Variants in LDB2 observed in about 807,000 individuals in gnomAD.
LDB2 encodes LIM domain-binding protein 2.
In LDB2, 12 loss-of-function variants were observed where a neutral mutation model predicts 44.3. The ratio of observed to expected loss-of-function variants is 0.27; its 90% CI spans 0.17 to 0.44. The LOEUF (loss-of-function observed/expected upper bound fraction) is 0.44. LDB2 is among the 20% of genes least tolerant of loss of function. The probability of loss-of-function intolerance (pLI) is 1.00; values close to 1 mark genes in which losing one functional copy is unlikely to be tolerated. For synonymous variants in LDB2, 164 were observed against 174.8 expected, an observed-to-expected ratio of 0.94 and a Z score of 0.49; for missense variants, 344 against 473.5, an observed-to-expected ratio of 0.73 and a Z score of 2.54.
At chr4:16,507,588 G>T (rs1361981384) in intron 7 of LDB2, among the ~76,000 whole-genome samples, 5 of 152,140 alleles carry the variant, frequency 3.3e-5, no homozygotes, top group Non-Finnish European at 7.3e-5. Flanking sequence ...GTTGAGGGAT[G>T]TAACAAGAAA....
At chr4:16,750,871 A>G (rs935024481) in intron 2 of LDB2, 1 of 152,304 alleles carries the variant, frequency 6.6e-6, no homozygotes, top group East Asian at 1.9e-4. Context: ...ATAATTTTTT[A>G]TTGTGTAGAA....
At chr4:16,750,964 G>A (rs1051683426) in intron 2 of LDB2, 1 of 152,108 alleles carries the variant, frequency 6.6e-6, no homozygotes, top group African/African-American at 2.4e-5. Flanking sequence ...GACACACTTT[G>A]TTTTACCCAC....
chr4:16,742,669 A>C (rs1361596446), intron 2 of LDB2, among the ~76,000 whole-genome samples: 1 of 152,186 alleles, frequency 6.6e-6, no homozygotes, highest in Non-Finnish European at 1.5e-5. Flanking sequence ...AGTATATGAA[A>C]AAAGCAGAGG....
chr4:16,503,699 G>A (rs1718218026), intron 7 of LDB2, among the ~76,000 whole-genome samples: 1 of 152,154 alleles, frequency 6.6e-6, no homozygotes, highest in South Asian at 2.1e-4. Flanking sequence ...TGCCATAAAG[G>A]GAAGATGAAG....
At chr4:16,775,845 G>C (rs1423397218) in intron 1 of LDB2, among the ~76,000 whole-genome samples, 2 of 152,180 alleles carry the variant, frequency 1.3e-5, no homozygotes, top group African/African-American at 4.8e-5. Context: ...GGACCTATCA[G>C]AGTGAGTTTT....
intron 5 of LDB2, among the ~76,000 whole-genome samples, chr4:16,553,528 T>G (rs186699688): frequency 1.8e-4 from 27 of 152,286 alleles, no homozygotes; most frequent in Admixed American, 3.9e-4. Flanking sequence ...AGAGGTTTTT[T>G]TTGTTGTTGT....
rs550416964 is a variant in LDB2 at position 16,536,407 on chromosome 4, G to A, written c.616-24303C>T. ...CAGCCAAGTCACCTTCCTACACCTC[G>A]CTGAGTGCTCCAGCATGCTGTGCTG... On this transcript the variant is annotated intron_variant, in intron 5 of 7. Coordinates refer to ENST00000304523, the MANE Select transcript of LDB2 (RefSeq NM_001290.5). 3.3e-5 allele frequency among the ~76,000 whole-genome samples: 5 copies of A among 152,270 alleles called. No individual in the cohort carries two copies. In the South Asian group the frequency reaches 6.2e-4, roughly 19 times the overall value.
intron 2 of LDB2, among the ~76,000 whole-genome samples, chr4:16,646,558 G>A (rs1736848377): frequency 6.6e-6 from 1 of 152,168 alleles, no homozygotes; most frequent in Non-Finnish European, 1.5e-5. Flanking sequence ...AGAAGAATAT[G>A]GCCTGGGGAG....
At position 16,593,398 on chromosome 4, in the gene LDB2, AT is replaced by A. The variant is rs1176905890; in HGVS notation, c.408+2304del. ...ATATTTTATTACATGTAAATGAGTT[AT>A]TTTTAATTAATATAAGAAAAACAAC... On this transcript the variant is annotated intron_variant, in intron 3 of 7. Transcript: ENST00000304523. Among the ~76,000 whole-genome samples the A allele has an allele frequency of 3.3e-5, 5 of 152,270 alleles. No individual in the cohort carries two copies. In the East Asian group the frequency reaches 9.6e-4, roughly 29 times the overall value.
At chr4:16,609,362 G>A (rs1463110304) in intron 2 of LDB2, among the ~76,000 whole-genome samples, 1 of 139,140 alleles carries the variant, frequency 7.2e-6, no homozygotes, top group Admixed American at 7.1e-5. Flanking sequence ...GGGGGGGGGA[G>A]GGGAAGGGCA....
chr4:16,845,240 T>G (rs78811003), intron 1 of LDB2, among the ~76,000 whole-genome samples: 2 of 152,150 alleles, frequency 1.3e-5, no homozygotes, highest in East Asian at 3.9e-4. Context: ...TGCTCCCAAA[T>G]TTATACATTA....
rs1312585879 is a variant in LDB2 at position 16,582,098 on chromosome 4, A to G, written c.615+3824T>C. The stretch of plus-strand genomic sequence containing the variant: ...AGCATATAGCAGCAATGCCTGGCAC[A>G]TAGTAAGTGCCCCAGAAATGTTAGC... On this transcript the variant is annotated intron_variant, in intron 5 of 7. Transcript: ENST00000304523. The surrounding 1 kb of genome is among the most constrained non-coding windows in gnomAD (Gnocchi z 4.8). Among the ~76,000 whole-genome samples the G allele has an allele frequency of 6.6e-6, 1 of 152,168 alleles. No individual in the cohort carries two copies. Among genetic ancestry groups the G allele is most frequent in the African/African-American group, 2.4e-5 (1 of 41,440 alleles).
chr4:16,756,171 G>A lies in LDB2; in HGVS notation c.235+2987C>T, dbSNP rs541915341. On this transcript the variant is annotated intron_variant, in intron 2 of 7. Coordinates refer to ENST00000304523, the MANE Select transcript of LDB2 (RefSeq NM_001290.5). ...TTAAAATCTATCAGAACAGCCAGAT[G>A]TGGTGGCTCATGCCTGTAATCCCAG... Among the ~76,000 whole-genome samples the A allele has an allele frequency of 2.6e-5, 4 of 152,336 alleles. No homozygotes were observed. The East Asian group carries it at 7.7e-4, about 29-fold the overall frequency.
chr4:16,768,509 A>G (rs1561165272), intron 1 of LDB2, among the ~76,000 whole-genome samples: 1 of 152,140 alleles, frequency 6.6e-6, no homozygotes, highest in Non-Finnish European at 1.5e-5. Context: ...CTCTGCCTAC[A>G]TTTCTTTTTC....
chr4:16,821,546 G>C (rs1028732105), intron 1 of LDB2, among the ~76,000 whole-genome samples: 2 of 125,826 alleles, frequency 1.6e-5, no homozygotes, highest in Non-Finnish European at 3.5e-5. Context: ...ACCACGCCCA[G>C]CTAATTTTTT....
rs547378978 is a variant in LDB2, at chr4:16,682,554, C to T, written c.235+76604G>A. Among the ~76,000 whole-genome samples the T allele has an allele frequency of 2.0e-5, 3 of 152,330 alleles. No individual in the cohort carries two copies. In the South Asian group the frequency reaches 6.2e-4, roughly 32 times the overall value. ...GTTTATTCTCACCCTTCTGAACTATCCACCAGTTGGTTGGGAATGCTGCCT... is the reference window on the plus strand; with the variant it reads ...GTTTATTCTCACCCTTCTGAACTATTCACCAGTTGGTTGGGAATGCTGCCT... On this transcript the variant is annotated intron_variant, in intron 2 of 7. Coordinates refer to ENST00000304523, the MANE Select transcript of LDB2 (RefSeq NM_001290.5).
intron 2 of LDB2, among the ~76,000 whole-genome samples, chr4:16,723,936 G>A (rs939944140): frequency 2.0e-5 from 3 of 151,994 alleles, no homozygotes; most frequent in African/African-American, 4.8e-5. Flanking sequence ...GGACAAATAC[G>A]TTTGAATAGA....
chr4:16,794,565 A>G (rs910825298), intron 1 of LDB2, among the ~76,000 whole-genome samples: 1 of 152,178 alleles, frequency 6.6e-6, no homozygotes, highest in Non-Finnish European at 1.5e-5. Context: ...TCTGTTACTC[A>G]CCTTCTCTGT....
intron 1 of LDB2, among the ~76,000 whole-genome samples, chr4:16,850,471 T>C (rs923447374): frequency 5.3e-5 from 8 of 152,294 alleles, no homozygotes; most frequent in Middle Eastern, 6.8e-3. Context: ...ACCCAGTAGA[T>C]AGATATTTAA....
Sources: gnomAD v4.1 joint callset for allele counts (sites outside exome capture counted in the v4.1 genomes callset) on GRCh38, gnomAD v4.1.1 for gene constraint, Gnocchi (gnomAD v3.1) non-coding constraint, MANE v1.5 for transcripts, NCBI Gene and HGNC (gene_info 2026-07-23, HGNC 2026-07-21) for gene names.